NFYC: variants seen among roughly 807,000 people sequenced by gnomAD.
NFYC encodes CAAT box DNA-binding protein subunit C.
In NFYC, 25 loss-of-function variants were observed where a neutral mutation model predicts 53.1. That is an observed-to-expected ratio of 0.47 (90% CI 0.34 to 0.66). The LOEUF (loss-of-function observed/expected upper bound fraction) is 0.66, where lower values mean the gene tolerates loss of function less well. Ranked by LOEUF, NFYC falls within the 30% of genes least tolerant of loss-of-function variation. The pLI is 0.01. For missense variants in NFYC, 260 were observed against 422.7 expected, an observed-to-expected ratio of 0.62 and a Z score of 3.38; for synonymous variants, 145 against 152.6, an observed-to-expected ratio of 0.95 and a Z score of 0.37.
intron 1 of NFYC, among the ~76,000 whole-genome samples, chr1:40,707,436 C>T (rs1487078783): frequency 1.3e-5 from 2 of 149,194 alleles, no homozygotes; most frequent in African/African-American, 2.5e-5. Flanking sequence ...GTCAAGATCA[C>T]GCCGCTGCAC....
chr1:40,727,622 C>G (rs1238519935), intron 1 of NFYC, among the ~76,000 whole-genome samples: 1 of 151,666 alleles, frequency 6.6e-6, no homozygotes, highest in East Asian at 2.0e-4. Flanking sequence ...CCTCCGCCTC[C>G]CAGATTCAAG....
intron 5 of NFYC, among the ~76,000 whole-genome samples, chr1:40,757,101 C>T (rs1021031109): frequency 1.3e-5 from 2 of 152,098 alleles, no homozygotes; most frequent in African/African-American, 4.8e-5. Context: ...CAAACTTTGC[C>T]CTGAATAAGG....
At chr1:40,722,383 A>G (rs1644360116) in intron 1 of NFYC, among the ~76,000 whole-genome samples, 1 of 152,180 alleles carries the variant, frequency 6.6e-6, no homozygotes, top group Non-Finnish European at 1.5e-5. Context: ...AAATTATTTC[A>G]TGTTTATAAA....
At chr1:40,713,767 CT>C (rs1222149289) in intron 1 of NFYC, among the ~76,000 whole-genome samples, 5 of 152,146 alleles carry the variant, frequency 3.3e-5, no homozygotes. Flanking sequence ...TTGCATGTTT[CT>C]TTTATTCCTC....
chr1:40,767,125 TC>T (rs1475815028), intron 8 of NFYC: 5 of 714,814 alleles, frequency 7.0e-6, no homozygotes, highest in Non-Finnish European at 1.2e-5. Context: ...TCCTCTTGCA[TC>T]CCTAACCAGA....
At position 40,691,862 on chromosome 1, in the gene NFYC, G is replaced by A. The variant is rs1445823375; in HGVS notation, c.-14G>A. ...GCTCCTGCTCTTCCTGGACTCCTGA[G>A]CAGAGGTGTGTGAGTGTGCGGGAGT... On this transcript the variant is annotated 5_prime_UTR_variant, in exon 1 of 10. Transcript: ENST00000447388. The A allele has an allele frequency of 3.1e-5, 13 of 422,166 alleles. No individual in the cohort carries two copies. The highest frequency in any genetic ancestry group is 2.1e-4 in the Admixed American group (8 of 38,296). 26.2% of individuals were successfully genotyped at this position (422,166 alleles called of 1,614,324 possible). A position where few individuals can be genotyped will look rare whatever the true frequency, so the allele number is the denominator to read the frequency against.
intron 4 of NFYC, among the ~76,000 whole-genome samples, chr1:40,752,429 T>C (rs1384713219): frequency 6.6e-6 from 1 of 152,164 alleles, no homozygotes; most frequent in Non-Finnish European, 1.5e-5. Context: ...TTTAATTTTA[T>C]TATTCAAAGA....
At chr1:40,716,369 A>G (rs1644136228) in intron 1 of NFYC, among the ~76,000 whole-genome samples, 1 of 152,222 alleles carries the variant, frequency 6.6e-6, no homozygotes, top group Non-Finnish European at 1.5e-5. Context: ...AAGCAAGATC[A>G]TGATTCAAAA....
chr1:40,769,533 C>A, intron 9 of NFYC, 118 bp downstream of exon 9: 1 of 822,678 alleles, frequency 1.2e-6, no homozygotes, highest in Non-Finnish European at 2.1e-6. Flanking sequence ...AGTGAGTGGA[C>A]AGAAATTGTT....
intron 3 of NFYC, 43 bp downstream of exon 3, chr1:40,747,648 TGATGG>T: frequency 7.6e-7 from 1 of 1,312,854 alleles, no homozygotes; most frequent in Non-Finnish European, 1.1e-6. Context: ...TGAAGCTAAG[TGATGG>T]GTAGGTTATT....
At chr1:40,733,551 C>CT (rs1557814179) in intron 1 of NFYC, among the ~76,000 whole-genome samples, 1 of 150,894 alleles carries the variant, frequency 6.6e-6, no homozygotes, top group Admixed American at 6.6e-5. Context: ...GAATGAGTCT[C>CT]TTTTTTCTTG....
At chr1:40,733,643 A>G (rs992996601) in intron 1 of NFYC, among the ~76,000 whole-genome samples, 3 of 151,040 alleles carry the variant, frequency 2.0e-5, no homozygotes, top group African/African-American at 4.9e-5. Context: ...ATCATAGCTC[A>G]CTGTAGCCTC....
Position 40,738,970 on chromosome 1 carries a change from T to C in NFYC, c.105+22T>C. 3.9e-6 allele frequency: 6 copies of C among 1,545,352 alleles called. No homozygotes were observed. The South Asian group carries it at 4.5e-5, about 12-fold the overall frequency. ...AGTGGTGAGGAAGAATGAGAAACTTTTATTAGAAACTTTTAAAGAGTATAA... is the reference window on the plus strand; with the variant it reads ...AGTGGTGAGGAAGAATGAGAAACTTCTATTAGAAACTTTTAAAGAGTATAA... On this transcript the variant is annotated intron_variant, in intron 2 of 9. Transcript: ENST00000447388.
intron 4 of NFYC, among the ~76,000 whole-genome samples, chr1:40,752,516 G>T (rs574337644): frequency 6.6e-6 from 1 of 152,180 alleles, no homozygotes; most frequent in East Asian, 1.9e-4. Flanking sequence ...TCTGACTCCT[G>T]TGTTCTCTTA....
intron 5 of NFYC, chr1:40,754,494 C>T: frequency 1.9e-6 from 1 of 514,472 alleles, no homozygotes; most frequent in Non-Finnish European, 4.0e-6. Flanking sequence ...CAGGTTTGTG[C>T]CCACAGGCTC....
intron 1 of NFYC, 125 bp downstream of exon 1, chr1:40,691,992 C>G (rs940231922): frequency 3.6e-6 from 1 of 280,676 alleles, no homozygotes. Flanking sequence ...TAGCTCGGTC[C>G]GTCCTGCCCG....
intron 1 of NFYC, among the ~76,000 whole-genome samples, chr1:40,721,903 G>T (rs1374153906): frequency 6.6e-6 from 1 of 152,068 alleles, no homozygotes; most frequent in Non-Finnish European, 1.5e-5. Context: ...GGGCGCGGTG[G>T]CTCATGCCTG....
chr1:40,714,876 C>G (rs1022246425), intron 1 of NFYC, among the ~76,000 whole-genome samples: 7 of 151,350 alleles, frequency 4.6e-5, no homozygotes, highest in Admixed American at 3.3e-4. Context: ...GTCAGGAGAT[C>G]AAGACCATCC....
intron 1 of NFYC, among the ~76,000 whole-genome samples, chr1:40,729,163 G>A (rs571763359): frequency 3.3e-5 from 5 of 152,236 alleles, no homozygotes; most frequent in South Asian, 2.1e-4. Context: ...AATGAGCATC[G>A]GCTTCCACAG....
Sources: allele counts gnomAD v4.1 joint callset (sites outside exome capture counted in the v4.1 genomes callset), GRCh38; gene constraint gnomAD v4.1.1; transcripts MANE v1.5; gene names NCBI Gene and HGNC (gene_info 2026-07-23, HGNC 2026-07-21).